ICA1L: variants seen among roughly 807,000 people sequenced by gnomAD.
The protein encoded by ICA1L is islet cell autoantigen 1 like.
A neutral mutation model predicts 61.3 loss-of-function variants in ICA1L; 50 were observed. The observed-to-expected ratio is 0.82, with a 90% confidence interval of 0.65 to 1.03. The LOEUF is 1.03. Ranked by LOEUF, ICA1L falls within the 50% of genes least tolerant of loss-of-function variation. The probability of loss-of-function intolerance (pLI) is 0.00; values close to 1 mark genes in which losing one functional copy is unlikely to be tolerated. For synonymous variants in ICA1L, 161 were observed against 191.3 expected (o/e 0.84, Z 1.31); for missense variants, 508 against 556.7 (o/e 0.91, Z 0.88).
At chr2:202,848,234 AT>A (rs1255486394) in intron 1 of ICA1L, among the ~76,000 whole-genome samples, 1 of 152,170 alleles carries the variant, frequency 6.6e-6, no homozygotes, top group Non-Finnish European at 1.5e-5. Flanking sequence ...AAGTGCTAGG[AT>A]TACAGGCGTG....
rs1464444863 is a variant in ICA1L, at chr2:202,774,493, G to A, written c.*5040C>T. ...ATGTTTTTTGTATGTGTTTTTTTAG[G>A]TTATGGTCAGTGAGGTTTAGCCACA... On this transcript the variant is annotated 3_prime_UTR_variant, in exon 13 of 13. Coordinates refer to ENST00000358299, the MANE Select transcript of ICA1L (RefSeq NM_001288622.3). The A allele has an allele frequency of 4.4e-6, 2 of 456,144 alleles. No individual in the cohort carries two copies. The highest frequency in any genetic ancestry group is 4.3e-5 in the East Asian group (1 of 23,512). The allele number at this position is 456,144 out of a possible 1,614,324, so 28.3% of individuals were successfully genotyped here.
chr2:202,797,132 T>TTGTGTGTGTATATATG (rs542686344), intron 9 of ICA1L, among the ~76,000 whole-genome samples, 168 bp from the exon 10 acceptor site: 25 of 147,726 alleles, frequency 1.7e-4, no homozygotes, highest in African/African-American at 5.2e-4. Context: ...AAAATCACAT[T>TTGTGTGTGTATATATG]TGTGTGTGTG....
chr2:202,836,262 T>G (rs539705269), intron 1 of ICA1L, among the ~76,000 whole-genome samples: 9 of 152,358 alleles, frequency 5.9e-5, no homozygotes, highest in Non-Finnish European at 1.0e-4. Flanking sequence ...TTTTTGTATC[T>G]ATTGAGATAA....
At chr2:202,861,778 G>C (rs140606214) in intron 1 of ICA1L, among the ~76,000 whole-genome samples, 13,349 of 151,298 alleles carry the variant, frequency 0.088, 708 homozygotes, top group Non-Finnish European at 0.12. Context: ...CCAGCTACTG[G>C]GAAGGCTGAG....
chr2:202,815,073 T>C (rs1045545867), intron 7 of ICA1L, among the ~76,000 whole-genome samples: 1 of 152,256 alleles, frequency 6.6e-6, no homozygotes, highest in Non-Finnish European at 1.5e-5. Context: ...ACTGTGTTTC[T>C]AGTCTGTATC....
chr2:202,786,511 T>TGCAGTCC (rs1427260615), intron 11 of ICA1L, among the ~76,000 whole-genome samples: 2 of 151,962 alleles, frequency 1.3e-5, no homozygotes, highest in African/African-American at 2.4e-5. Flanking sequence ...ATTGCGCCAC[T>TGCAGTCC]GCAGTCCGCA....
chr2:202,822,456 C>G (rs2105853145), intron 3 of ICA1L, among the ~76,000 whole-genome samples: 1 of 152,296 alleles, frequency 6.6e-6, no homozygotes, highest in East Asian at 1.9e-4. Context: ...GCACGAGTCA[C>G]AGTGCTCAGC....
intron 1 of ICA1L, among the ~76,000 whole-genome samples, chr2:202,851,899 G>C (rs1694633973): frequency 6.6e-6 from 1 of 152,124 alleles, no homozygotes; most frequent in Non-Finnish European, 1.5e-5. Flanking sequence ...GTAGATTCTG[G>C]ATATTAGCCC....
intron 1 of ICA1L, among the ~76,000 whole-genome samples, chr2:202,833,046 T>G (rs1335649991): frequency 6.6e-6 from 1 of 150,476 alleles, no homozygotes; most frequent in African/African-American, 2.4e-5. Context: ...AAAACACAAA[T>G]AGACACATCA....
chr2:202,817,442 T>C lies in ICA1L; in HGVS notation c.660A>G (p.Leu220=), dbSNP rs778178384. The C allele has an allele frequency of 8.7e-6, 14 of 1,609,230 alleles. No individual in the cohort carries two copies. Among genetic ancestry groups the C allele is most frequent in the Non-Finnish European group, 1.2e-5 (14 of 1,177,256 alleles). The part of the protein sequence containing the change: ...DLLGASRCNM[L]SHSLTTYQRT... Reference sequence around the variant, plus strand: ...CCTGGTAGGTAGTGAGCGAATGAGATAGCATATTGCAGCGACTAGCTCCAA... The same window carrying C: ...CCTGGTAGGTAGTGAGCGAATGAGACAGCATATTGCAGCGACTAGCTCCAA... Residue 220 remains leucine (L), a synonymous_variant, in exon 6 of 13, where the codon CTA becomes CTG. Transcript: ENST00000358299.
At chr2:202,843,285 C>T (rs1296172517) in intron 1 of ICA1L, among the ~76,000 whole-genome samples, 1 of 152,092 alleles carries the variant, frequency 6.6e-6, no homozygotes, top group Non-Finnish European at 1.5e-5. Flanking sequence ...GACTGACTTT[C>T]CTCCATGGGG....
In ICA1L at chr2:202,777,565, T is replaced by C. The variant is rs1559122872; in HGVS notation, c.*1968A>G. 1 of 152,110 alleles carries C rather than the reference T, an allele frequency of 6.6e-6. No individual in the cohort carries two copies. Among genetic ancestry groups the C allele is most frequent in the Non-Finnish European group, 1.5e-5 (1 of 68,014 alleles). The allele number at this position is 152,110 out of a possible 1,614,324, so 9.4% of individuals were successfully genotyped here. On this transcript the variant is annotated 3_prime_UTR_variant, in exon 13 of 13. Coordinates refer to ENST00000358299, the MANE Select transcript of ICA1L (RefSeq NM_001288622.3). Reference sequence around the variant, plus strand: ...ATGGCTCATTAAAATCTAAAAGAAATAGGAGTAATATTGTGAAAAGATTTT... The same window carrying C: ...ATGGCTCATTAAAATCTAAAAGAAACAGGAGTAATATTGTGAAAAGATTTT...
At chr2:202,782,554 G>A (rs1237201703) in intron 12 of ICA1L, among the ~76,000 whole-genome samples, 2 of 151,722 alleles carry the variant, frequency 1.3e-5, no homozygotes, top group African/African-American at 4.8e-5. Flanking sequence ...GACTACAGGC[G>A]TGTGCCATCA....
intron 12 of ICA1L, among the ~76,000 whole-genome samples, chr2:202,785,519 T>A (rs1234989204): frequency 1.3e-5 from 2 of 152,088 alleles, no homozygotes; most frequent in Admixed American, 6.6e-5. Flanking sequence ...GCCTCCCGGG[T>A]TAGAGCAATT....
chr2:202,799,610 T>G (rs762438765), intron 9 of ICA1L, among the ~76,000 whole-genome samples: 8 of 152,234 alleles, frequency 5.3e-5, no homozygotes, highest in Admixed American at 2.0e-4. Context: ...CAGAAGCTTT[T>G]TAGTTTAATT....
chr2:202,831,207 T>C (rs778007500), intron 1 of ICA1L, among the ~76,000 whole-genome samples: 1 of 152,220 alleles, frequency 6.6e-6, no homozygotes, highest in Non-Finnish European at 1.5e-5. Flanking sequence ...TTAATCACCA[T>C]TTAATTGCCA....
chr2:202,844,683 A>G (rs1022413184), intron 1 of ICA1L: 5 of 152,230 alleles, frequency 3.3e-5, no homozygotes, highest in African/African-American at 1.2e-4. Context: ...GAAAGAAATG[A>G]GAGGGTAGAG....
In ICA1L at chr2:202,821,439, A is replaced by G; in HGVS notation, c.278T>C (p.Phe93Ser). 1 of 1,613,170 alleles carries G rather than the reference A, an allele frequency of 6.2e-7. No homozygotes were observed. Among genetic ancestry groups the G allele is most frequent in the Non-Finnish European group, 8.5e-7 (1 of 1,179,596 alleles). The change falls in exon 4 of 13, where the codon TTT (phenylalanine) becomes TCT (serine). Residue 93 changes from phenylalanine (F) to serine (S), a missense_variant. Coordinates refer to ENST00000358299, the MANE Select transcript of ICA1L (RefSeq NM_001288622.3). ...EENELGLFLK[F>S]QAERDATQAG... ...TTGAGTTGCATCCCGTTCTGCTTGA[A>G]ATTTTAAAAAGAGCCCTAGCTCATT...
In ICA1L at chr2:202,778,917, A is replaced by G. The variant is rs1213181472; in HGVS notation, c.*616T>C. 2.6e-5 allele frequency: 4 copies of G among 152,764 alleles called. No homozygotes were observed. The highest frequency in any genetic ancestry group is 1.9e-4 in the East Asian group (1 of 5,188). The allele number at this position is 152,764 out of a possible 1,614,324, so 9.5% of individuals were successfully genotyped here. A position where few individuals can be genotyped will look rare whatever the true frequency, so the allele number is the denominator to read the frequency against. ...AGTGTCCATTATTTTGTATGAATGAAAAAACATTACATTTTAGCCTCCAAA... is the reference window on the plus strand; with the variant it reads ...AGTGTCCATTATTTTGTATGAATGAGAAAACATTACATTTTAGCCTCCAAA... On this transcript the variant is annotated 3_prime_UTR_variant, in exon 13 of 13. Coordinates refer to ENST00000358299, the MANE Select transcript of ICA1L (RefSeq NM_001288622.3).
Sources: gnomAD v4.1 joint callset for allele counts (sites outside exome capture counted in the v4.1 genomes callset) on GRCh38, gnomAD v4.1.1 for gene constraint, MANE v1.5 for transcripts, NCBI Gene and HGNC (gene_info 2026-07-23, HGNC 2026-07-21) for gene names.